Variants in HACD4 observed in about 807,000 individuals in gnomAD.
HACD4 encodes the protein very-long-chain (3R)-3-hydroxyacyl-CoA dehydratase 4.
In HACD4, 35 loss-of-function variants were observed where a neutral mutation model predicts 33.3. The observed-to-expected ratio is 1.05, with a 90% CI of 0.80 to 1.39. HACD4 has a LOEUF of 1.39. Ranked by LOEUF, HACD4 falls within the 40% of genes most tolerant of loss-of-function variation. The pLI is 0.00. For synonymous variants in HACD4, 118 were observed against 98.0 expected (o/e 1.20, Z -1.21); for missense variants, 323 against 276.5 (o/e 1.17, Z -1.19).
Position 21,029,326 on chromosome 9 carries a change from A to C in HACD4, c.111T>G (p.Asn37Lys). 1 of 1,595,610 alleles carries C rather than the reference A, an allele frequency of 6.3e-7. No individual in the cohort carries two copies. The highest frequency in any genetic ancestry group is 8.6e-7 in the Non-Finnish European group (1 of 1,166,140). The change falls in exon 2 of 7, where the codon AAT becomes AAG. Residue 37 changes from asparagine (N) to lysine (K), a missense_variant. By Grantham distance (94) the Asn-to-Lys change is moderately conservative. Transcript: ENST00000495827. Reference sequence around the variant, plus strand: ...CAAATGAAAAGAATCTGACTGTCATATTTGTAAATATCCAAGAGTGGCCAC... The same window carrying C: ...CAAATGAAAAGAATCTGACTGTCATCTTTGTAAATATCCAAGAGTGGCCAC... ...QFCGHSWIFT[N>K]MTVRFFSFGK...
intron 3 of HACD4, among the ~76,000 whole-genome samples, chr9:21,019,726 T>C (rs1329294907): frequency 2.0e-5 from 3 of 152,038 alleles, no homozygotes; most frequent in African/African-American, 2.4e-5. Context: ...GAATTGGACA[T>C]GTAATTCACC....
At chr9:21,027,856 C>T (rs369473969) in intron 2 of HACD4, among the ~76,000 whole-genome samples, 63 of 152,202 alleles carry the variant, frequency 4.1e-4, no homozygotes, top group Middle Eastern at 3.4e-3. Flanking sequence ...TGCGCCGAGC[C>T]GGGCACAGTG....
chr9:21,009,041 C>T (rs186668725), intron 5 of HACD4, among the ~76,000 whole-genome samples: 1 of 152,078 alleles, frequency 6.6e-6, no homozygotes, highest in African/African-American at 2.4e-5. Flanking sequence ...ACAGGCCGCA[C>T]CTATGTCTCT....
At chr9:21,009,866 A>G (rs924962272) in intron 5 of HACD4, among the ~76,000 whole-genome samples, 1 of 152,190 alleles carries the variant, frequency 6.6e-6, no homozygotes, top group Non-Finnish European at 1.5e-5. Context: ...TGATATTTCA[A>G]TGAGAGGTTA....
chr9:21,029,453 A>G (rs1402650570), intron 1 of HACD4, 55 bp from the exon 2 acceptor site: 10 of 1,119,078 alleles, frequency 8.9e-6, no homozygotes, highest in Non-Finnish European at 1.3e-5. Context: ...TCCTTTCATC[A>G]CTGTACACAT....
intron 6 of HACD4, 106 bp downstream of exon 6, chr9:21,007,915 T>C: frequency 3.0e-6 from 3 of 994,926 alleles, no homozygotes; most frequent in Admixed American, 2.9e-5. Flanking sequence ...TCAGGCTTCC[T>C]CTTTGGTCTC....
chr9:21,009,652 TA>T (rs1421849681), intron 5 of HACD4, among the ~76,000 whole-genome samples: 1 of 152,188 alleles, frequency 6.6e-6, no homozygotes, highest in Non-Finnish European at 1.5e-5. Flanking sequence ...TTAACATATC[TA>T]CCACCTCGCT....
chr9:21,011,474 C>T (rs573844822), intron 5 of HACD4, 115 bp downstream of exon 5: 195 of 696,756 alleles, frequency 2.8e-4, no homozygotes, highest in Non-Finnish European at 4.7e-4. Flanking sequence ...TAAGGATACA[C>T]TGAGTGAGCT....
At chr9:21,011,526 G>C (rs1184432288) in intron 5 of HACD4, 63 bp downstream of exon 5, 2 of 971,484 alleles carry the variant, frequency 2.1e-6, no homozygotes, top group East Asian at 2.4e-5. Context: ...AAAAAATTTA[G>C]TGAACCATTA....
At position 21,005,106 on chromosome 9, in the gene HACD4, T is replaced by G. The variant is rs1010934624; in HGVS notation, c.*1931A>C. 2.0e-5 allele frequency: 3 copies of G among 152,216 alleles called. No individual in the cohort carries two copies. 9.4% of individuals were successfully genotyped at this position (152,216 alleles called of 1,614,324 possible). A position where few individuals can be genotyped will look rare whatever the true frequency, so the allele number is the denominator to read the frequency against. The stretch of plus-strand genomic sequence containing the variant: ...GGGAAACTGGAAGAAAGGTGATCTT[T>G]GTTATAATATGCCAAAGAACTTGGA... On this transcript the variant is annotated 3_prime_UTR_variant, in exon 7 of 7. Coordinates refer to ENST00000495827, the MANE Select transcript of HACD4 (RefSeq NM_001010915.5). This position sits in a 1 kb window ranked among gnomAD's most constrained non-coding sequence, Gnocchi z 4.0.
chr9:21,017,161 C>T (rs1409014332), intron 3 of HACD4, among the ~76,000 whole-genome samples: 1 of 152,054 alleles, frequency 6.6e-6, no homozygotes, highest in African/African-American at 2.4e-5. Flanking sequence ...GGAGAAAAGA[C>T]TGGGATAACC....
Position 21,011,659 on chromosome 9 carries a change from G to A in HACD4, c.420C>T (p.Ser140=). 1 of 1,609,732 alleles carries A rather than the reference G, an allele frequency of 6.2e-7. No individual in the cohort carries two copies. The highest frequency in any genetic ancestry group is 8.5e-7 in the Non-Finnish European group (1 of 1,176,540). The part of the protein sequence containing the change: ...TYSMLSVIGI[S]YAVLTWLSQT... ...GACTGAGCCATGTCAAGACAGCATA[G>A]GATATTCCTATGACTGATAACATGC... The change falls in exon 5 of 7, where the codon TCC becomes TCT. Residue 140 remains serine, a synonymous_variant. Transcript: ENST00000495827.
rs1421575396 is a variant in HACD4, at chr9:21,002,612, TAAA to T, written c.*4422_*4424del. The T allele has an allele frequency of 6.6e-6, 1 of 151,928 alleles. No homozygotes were observed. The highest frequency in any genetic ancestry group is 2.4e-5 in the African/African-American group (1 of 41,358). 9.4% of individuals were successfully genotyped at this position (151,928 alleles called of 1,614,324 possible). ...AGTATAGGGTATAAGTTTTGCAAGG[TAAA>T]AAAAGTTCTGGAGATGGACAGTGGT... On this transcript the variant is annotated 3_prime_UTR_variant, in exon 7 of 7. Coordinates refer to ENST00000495827, the MANE Select transcript of HACD4 (RefSeq NM_001010915.5).
chr9:21,028,003 C>T (rs141248068), intron 2 of HACD4, among the ~76,000 whole-genome samples: 54 of 151,818 alleles, frequency 3.6e-4, no homozygotes, highest in Middle Eastern at 3.4e-3. Flanking sequence ...GGCATGGTGG[C>T]GGGCACCTGT....
intron 4 of HACD4, among the ~76,000 whole-genome samples, chr9:21,013,696 A>G (rs1458125684): frequency 6.6e-6 from 1 of 152,238 alleles, no homozygotes; most frequent in Non-Finnish European, 1.5e-5. Context: ...TCAACAATGT[A>G]TAAATTCTGT....
At chr9:21,011,351 G>C (rs1842427028) in intron 5 of HACD4, among the ~76,000 whole-genome samples, 1 of 152,186 alleles carries the variant, frequency 6.6e-6, no homozygotes, top group African/African-American at 2.4e-5. Context: ...CACACAGTGA[G>C]TTAATGAAGT....
Position 21,004,846 on chromosome 9 carries a change from C to CCTGGAAGAGTA in HACD4, c.*2180_*2190dup, listed in dbSNP as rs1842232228. The CCTGGAAGAGTA allele has an allele frequency of 6.6e-6, 1 of 152,012 alleles. No homozygotes were observed. The highest frequency in any genetic ancestry group is 1.5e-5 in the Non-Finnish European group (1 of 68,024). 9.4% of individuals were successfully genotyped at this position (152,012 alleles called of 1,614,324 possible). Reference sequence around the variant, plus strand: ...GGAAGAGTTTTGAGGTACTAGAGTACCTGGAAGAGTACTGGAAGAGTTTTG... The same window carrying CCTGGAAGAGTA: ...GGAAGAGTTTTGAGGTACTAGAGTACCTGGAAGAGTACTGGAAGAGTACTGGAAGAGTTTTG... On this transcript the variant is annotated 3_prime_UTR_variant, in exon 7 of 7. Transcript: ENST00000495827. The surrounding 1 kb of genome is among the most constrained non-coding windows in gnomAD (Gnocchi z 4.6).
chr9:21,019,760 G>T (rs1224318167), intron 3 of HACD4, among the ~76,000 whole-genome samples: 2 of 152,072 alleles, frequency 1.3e-5, no homozygotes, highest in Non-Finnish European at 2.9e-5. Flanking sequence ...AAAATTTGGA[G>T]AATGTTACAA....
Position 21,007,069 on chromosome 9 carries a change from C to T in HACD4, c.667G>A (p.Gly223Arg), listed in dbSNP as rs761853794. 31 of 1,586,596 alleles carry T rather than the reference C, an allele frequency of 2.0e-5. No homozygotes were observed. Among genetic ancestry groups the T allele is most frequent in the South Asian group, 1.3e-4 (12 of 90,470 alleles). ...TTCTTTTTTTTAATGGGAAAGATTCCGAGGATGTCTCTTCTTTCTGAGTAT... is the reference window on the plus strand; with the variant it reads ...TTCTTTTTTTTAATGGGAAAGATTCTGAGGATGTCTCTTCTTTCTGAGTAT... ...HLYSERRDIL[G>R]IFPIKKKKM The change falls in exon 7 of 7, where the codon GGA (glycine) becomes AGA (arginine). Residue 223 changes from glycine to arginine, a missense_variant. Transcript: ENST00000495827.
Sources: allele counts gnomAD v4.1 joint callset (sites outside exome capture counted in the v4.1 genomes callset), GRCh38; gene constraint gnomAD v4.1.1; non-coding constraint Gnocchi (gnomAD v3.1); transcripts MANE v1.5; gene names NCBI Gene and HGNC (gene_info 2026-07-23, HGNC 2026-07-21).